The following NFIB variants were observed in gnomAD, a reference collection of about 807,000 sequenced individuals.
NFIB encodes nuclear factor I B.
A neutral mutation model predicts 61.5 loss-of-function variants in NFIB; 11 were observed. The observed-to-expected ratio is 0.18, with a 90% CI of 0.11 to 0.30. The LOEUF is 0.30. Among genes scored for constraint, NFIB ranks in the 10% least tolerant of loss-of-function variants. The pLI is 1.00. For missense variants in NFIB, 471 were observed against 608.9 expected, an observed-to-expected ratio of 0.77 and a Z score of 2.38; for synonymous variants, 260 against 216.5, an observed-to-expected ratio of 1.20 and a Z score of -1.76.
intron 6 of NFIB, among the ~76,000 whole-genome samples, chr9:14,137,731 AT>A (rs2041230048): frequency 6.6e-6 from 1 of 152,142 alleles, no homozygotes; most frequent in African/African-American, 2.4e-5. Flanking sequence ...TATATACTTT[AT>A]TTTTATATTT....
chr9:14,212,341 G>A (rs1322894189), intron 2 of NFIB, among the ~76,000 whole-genome samples: 1 of 152,128 alleles, frequency 6.6e-6, no homozygotes, highest in Non-Finnish European at 1.5e-5. Context: ...TTGCTTTCCT[G>A]GAAGGTTATA....
At chr9:14,281,565 TTGC>T (rs2058370354) in intron 2 of NFIB, among the ~76,000 whole-genome samples, 1 of 152,234 alleles carries the variant, frequency 6.6e-6, no homozygotes, top group South Asian at 2.1e-4. Flanking sequence ...CTTTTCTAGC[TTGC>T]TGCTAAGTTA....
At chr9:14,438,752 G>T in the NFIB span, among the ~76,000 whole-genome samples, 40 of 152,218 alleles carry the variant, frequency 2.6e-4, no homozygotes, top group African/African-American at 9.2e-4. Context: ...AACCTCGTGA[G>T]CGGGGGCTGA....
At chr9:14,484,187 C>A in the NFIB span, among the ~76,000 whole-genome samples, 1 of 152,168 alleles carries the variant, frequency 6.6e-6, no homozygotes. Flanking sequence ...TCAGTTTTTG[C>A]TGAGCACTGT....
chr9:14,257,672 C>T (rs2056355715), intron 2 of NFIB, among the ~76,000 whole-genome samples: 1 of 152,112 alleles, frequency 6.6e-6, no homozygotes, highest in Admixed American at 6.6e-5. Context: ...AGGAGAATCG[C>T]TTGAACCCGG....
At chr9:14,525,052 G>A in the NFIB span, among the ~76,000 whole-genome samples, 7 of 152,224 alleles carry the variant, frequency 4.6e-5, no homozygotes, top group African/African-American at 9.6e-5. Context: ...TGACTATAGC[G>A]AGTCTAATTG....
intron 2 of NFIB, among the ~76,000 whole-genome samples, chr9:14,188,097 A>G (rs2047573880): frequency 6.6e-6 from 1 of 152,234 alleles, no homozygotes; most frequent in African/African-American, 2.4e-5. Flanking sequence ...TGAAGGCTTT[A>G]ACCTACAGAA....
chr9:14,347,933 C>G (rs1933534459), intron 1 of NFIB, among the ~76,000 whole-genome samples: 1 of 152,308 alleles, frequency 6.6e-6, no homozygotes, highest in Admixed American at 6.5e-5. Context: ...CGTAGTTTCG[C>G]GTCGCACGCG....
At chr9:14,278,059 G>C (rs946682174) in intron 2 of NFIB, among the ~76,000 whole-genome samples, 1 of 152,074 alleles carries the variant, frequency 6.6e-6, no homozygotes, top group African/African-American at 2.4e-5. Flanking sequence ...AGCATCTTAC[G>C]ACCATGAGTT....
chr9:14,458,286 T>C, the NFIB span, among the ~76,000 whole-genome samples: 3 of 152,192 alleles, frequency 2.0e-5, no homozygotes, highest in Non-Finnish European at 4.4e-5. Context: ...TCTCAATAGA[T>C]GCAGAAAAGG....
At chr9:14,290,667 T>C (rs1195515931) in intron 2 of NFIB, among the ~76,000 whole-genome samples, 2 of 152,086 alleles carry the variant, frequency 1.3e-5, no homozygotes, top group African/African-American at 4.8e-5. Context: ...ATTAAAAATA[T>C]ACACATAAAG....
rs571957817 is a variant in NFIB, at chr9:14,141,396, C to A, written c.925+5293G>T. Among the ~76,000 whole-genome samples, 451 of 152,188 alleles carry A rather than the reference C, an allele frequency of 3.0e-3. 4 individuals carry two copies. The highest frequency in any genetic ancestry group is 0.01 in the African/African-American group (429 of 41,526). ...CAAATTGTAATAACATGCCAATATACCAAGTAGTGCTAGTTTTTGCTAACA... is the reference window on the plus strand; with the variant it reads ...CAAATTGTAATAACATGCCAATATAACAAGTAGTGCTAGTTTTTGCTAACA... On this transcript the variant is annotated intron_variant, in intron 6 of 10. Coordinates refer to ENST00000380953, the MANE Select transcript of NFIB (RefSeq NM_001190737.2).
Position 14,088,009 on chromosome 9 carries a change from T to G in NFIB, c.*300A>C. Reference sequence around the variant, plus strand: ...CCATCAGTGAAATATCATCGACCCTTTTTATGTCATTACAGTTTCAACCTT... The same window carrying G: ...CCATCAGTGAAATATCATCGACCCTGTTTATGTCATTACAGTTTCAACCTT... On this transcript the variant is annotated 3_prime_UTR_variant, in exon 11 of 11. Transcript: ENST00000380953. 2.4e-6 allele frequency: 1 copy of G among 415,096 alleles called. No homozygotes were observed. The highest frequency in any genetic ancestry group is 3.9e-6 in the Non-Finnish European group (1 of 255,986). 25.7% of individuals were successfully genotyped at this position (415,096 alleles called of 1,614,324 possible).
the NFIB span, among the ~76,000 whole-genome samples, chr9:14,430,834 G>A: frequency 4.6e-5 from 7 of 152,018 alleles, no homozygotes; most frequent in East Asian, 1.9e-4. Context: ...CAGCCACCTC[G>A]GCCTCCCAAA....
At chr9:14,463,912 G>A in the NFIB span, among the ~76,000 whole-genome samples, 61 of 152,188 alleles carry the variant, frequency 4.0e-4, 1 homozygote, top group African/African-American at 1.2e-3. Flanking sequence ...CGACCGCCTC[G>A]GCCTCCCAAA....
At chr9:14,250,721 A>G (rs2055504274) in intron 2 of NFIB, among the ~76,000 whole-genome samples, 1 of 152,260 alleles carries the variant, frequency 6.6e-6, no homozygotes, top group South Asian at 2.1e-4. Flanking sequence ...TTTTAAGTCA[A>G]CCTGTATATC....
At chr9:14,308,378 A>AT (rs920279570) in intron 1 of NFIB, among the ~76,000 whole-genome samples, 1 of 152,118 alleles carries the variant, frequency 6.6e-6, no homozygotes, top group African/African-American at 2.4e-5. Flanking sequence ...ACACTCTTGC[A>AT]TTTTTAAATA....
chr9:14,359,447 G>A (rs987498563), intron 1 of NFIB, among the ~76,000 whole-genome samples: 4 of 152,126 alleles, frequency 2.6e-5, no homozygotes, highest in African/African-American at 7.2e-5. Context: ...TGATGTGGCC[G>A]GAAACCAAGG....
the NFIB span, among the ~76,000 whole-genome samples, chr9:14,495,446 C>CATTTTTTTTTTTT: frequency 8.5e-6 from 1 of 117,264 alleles, no homozygotes; most frequent in African/African-American, 3.8e-5. Flanking sequence ...GAGAAATGAA[C>CATTTTTTTTTTTT]TTTTTTTTTT....
Sources: gnomAD v4.1 joint callset for allele counts (sites outside exome capture counted in the v4.1 genomes callset) on GRCh38, gnomAD v4.1.1 for gene constraint, MANE v1.5 for transcripts, NCBI Gene and HGNC (gene_info 2026-07-23, HGNC 2026-07-21) for gene names.